Variants in KCNK10 observed in about 807,000 individuals in gnomAD.
KCNK10 encodes the protein potassium channel subfamily K member 10.
Under a neutral mutation model 47.7 loss-of-function variants are expected in KCNK10, and 25 were observed. The ratio of observed to expected loss-of-function variants is 0.52; its 90% CI spans 0.38 to 0.73. KCNK10 has a LOEUF of 0.73. Among genes scored for constraint, KCNK10 ranks in the 30% least tolerant of loss-of-function variants. The pLI is 0.00. For synonymous variants in KCNK10, 303 were observed against 285.6 expected (o/e 1.06, Z -0.61); for missense variants, 563 against 714.5 (o/e 0.79, Z 2.42).
At chr14:88,262,980 T>C (rs747506365) in intron 2 of KCNK10, among the ~76,000 whole-genome samples, 11 of 151,774 alleles carry the variant, frequency 7.2e-5, no homozygotes, top group African/African-American at 2.4e-4. Context: ...TGACCACTCA[T>C]CCAAAACCAG....
At chr14:88,311,475 C>T (rs1261706340) in intron 1 of KCNK10, among the ~76,000 whole-genome samples, 1 of 152,086 alleles carries the variant, frequency 6.6e-6, no homozygotes. Context: ...AACAAGAGAC[C>T]ACGGCTCTCT....
intron 1 of KCNK10, among the ~76,000 whole-genome samples, chr14:88,305,469 G>T (rs1355654429): frequency 6.6e-6 from 1 of 152,094 alleles, no homozygotes; most frequent in Non-Finnish European, 1.5e-5. Flanking sequence ...ATGCTGCATG[G>T]ATCACTCACC....
At chr14:88,280,607 G>A (rs1244968075) in intron 1 of KCNK10, among the ~76,000 whole-genome samples, 1 of 152,098 alleles carries the variant, frequency 6.6e-6, no homozygotes, top group Admixed American at 6.6e-5. Context: ...ACCAAAAAAG[G>A]AAGTCTCACC....
chr14:88,326,753 A>C (rs1012416665), upstream of KCNK10: 3 of 396,868 alleles, frequency 7.6e-6, no homozygotes, highest in African/African-American at 2.1e-5. Flanking sequence ...CCACCACTTT[A>C]ATGAATGCCG....
intron 4 of KCNK10, among the ~76,000 whole-genome samples, chr14:88,207,780 T>C (rs144135301): frequency 3.9e-5 from 6 of 152,202 alleles, no homozygotes; most frequent in Non-Finnish European, 7.4e-5. Context: ...ACACAACTCA[T>C]AGGCTGATGG....
rs899612663 is a variant in KCNK10, at chr14:88,323,226, TCCCGCACACACACA to T, written c.-442_-429del. On this transcript the variant is annotated 5_prime_UTR_variant, in exon 1 of 7. Transcript: ENST00000319231. ...CCCCCGAAGGCGTGTGCGCACACAC[TCCCGCACACACACA>T]CCCGCACACACACTCCCGGGCGCGC... The T allele has an allele frequency of 1.2e-5, 12 of 1,012,548 alleles. No individual in the cohort carries two copies. Among genetic ancestry groups the T allele is most frequent in the East Asian group, 9.6e-5 (1 of 10,430 alleles). 62.7% of individuals were successfully genotyped at this position (1,012,548 alleles called of 1,614,324 possible).
chr14:88,255,283 G>C (rs78754084), intron 2 of KCNK10, among the ~76,000 whole-genome samples: 2,077 of 152,284 alleles, frequency 0.014, 29 homozygotes, highest in East Asian at 0.043. Flanking sequence ...GTGGGCTCTG[G>C]AGTCTGGCTT....
At chr14:88,253,769 T>C (rs1182638546) in intron 2 of KCNK10, among the ~76,000 whole-genome samples, 3 of 151,990 alleles carry the variant, frequency 2.0e-5, no homozygotes, top group African/African-American at 4.8e-5. Flanking sequence ...GGTGGTGAAG[T>C]AGCCTGTAAT....
intron 2 of KCNK10, among the ~76,000 whole-genome samples, chr14:88,259,928 CTGTT>C: frequency 6.6e-6 from 1 of 152,092 alleles, no homozygotes; most frequent in Non-Finnish European, 1.5e-5. Flanking sequence ...CTCATGAAAT[CTGTT>C]TGTTTGGCTT....
In KCNK10 at chr14:88,182,034, CCGCACACACACACACA is replaced by C. The variant is rs1884378811; in HGVS notation, c.*3485_*3500del. The C allele has an allele frequency of 1.0e-5, 1 of 96,008 alleles. No individual in the cohort carries two copies. The highest frequency in any genetic ancestry group is 4.6e-5 in the African/African-American group (1 of 21,670). The allele number at this position is 96,008 out of a possible 1,614,324, so 5.9% of individuals were successfully genotyped here. ...AGAGATGGCCCAACACCACCCCAAC[CCGCACACACACACACA>C]CACACACACACACACACACACACAC... On this transcript the variant is annotated 3_prime_UTR_variant, in exon 7 of 7. Coordinates refer to ENST00000319231, the MANE Select transcript of KCNK10 (RefSeq NM_138317.3).
At chr14:88,212,131 T>TAA (rs1566687352) in intron 4 of KCNK10, among the ~76,000 whole-genome samples, 1 of 86,514 alleles carries the variant, frequency 1.2e-5, no homozygotes. Flanking sequence ...TATATATATA[T>TAA]CGAGAGAGAG....
In KCNK10 at chr14:88,185,991, G is replaced by A. The variant is rs1249941504; in HGVS notation, c.1176C>T (p.His392=). 2.5e-6 allele frequency: 4 copies of A among 1,613,690 alleles called. No individual in the cohort carries two copies. The highest frequency in any genetic ancestry group is 1.7e-5 in the Admixed American group (1 of 60,026). ...RRRLGLDQRA[H]SLDMLSPEKR... is the part of the protein sequence containing the mutation. Reference sequence around the variant, plus strand: ...TCTCGGGGGACAGCATGTCCAGTGAGTGGGCCCGCTGGTCCAGGCCCAGCC... The same window carrying A: ...TCTCGGGGGACAGCATGTCCAGTGAATGGGCCCGCTGGTCCAGGCCCAGCC... Residue 392 remains histidine, a synonymous_variant, in exon 7 of 7, where the codon CAC becomes CAT. Coordinates refer to ENST00000319231, the MANE Select transcript of KCNK10 (RefSeq NM_138317.3). The surrounding 1 kb of genome is among the most constrained non-coding windows in gnomAD (Gnocchi z 4.3).
chr14:88,208,549 G>A (rs550032828), intron 4 of KCNK10, among the ~76,000 whole-genome samples: 41 of 152,326 alleles, frequency 2.7e-4, no homozygotes, highest in Non-Finnish European at 5.9e-4. Context: ...CAGAAAGAAA[G>A]TGGTAATAAC....
intron 3 of KCNK10, among the ~76,000 whole-genome samples, chr14:88,231,138 G>A (rs570400892): frequency 2.6e-5 from 4 of 152,114 alleles, no homozygotes; most frequent in South Asian, 2.1e-4. Flanking sequence ...TAATTAGCCC[G>A]GCATGGTGGT....
chr14:88,282,877 C>T (rs1487714617), intron 1 of KCNK10, among the ~76,000 whole-genome samples: 1 of 152,238 alleles, frequency 6.6e-6, no homozygotes, highest in Non-Finnish European at 1.5e-5. Flanking sequence ...CCTGACAGTG[C>T]TTCCGCATAG....
intron 2 of KCNK10, among the ~76,000 whole-genome samples, chr14:88,245,576 T>C (rs186567507): frequency 6.6e-6 from 1 of 152,322 alleles, no homozygotes; most frequent in East Asian, 1.9e-4. Flanking sequence ...TGCACTGGGA[T>C]GAATGATGAC....
chr14:88,296,257 G>C (rs1241263540), intron 1 of KCNK10, among the ~76,000 whole-genome samples: 1 of 152,190 alleles, frequency 6.6e-6, no homozygotes, highest in African/African-American at 2.4e-5. Flanking sequence ...ATGGAGCAAA[G>C]CCTGAATCCT....
intron 4 of KCNK10, among the ~76,000 whole-genome samples, chr14:88,210,752 A>G (rs982088375): frequency 6.6e-6 from 1 of 151,266 alleles, no homozygotes; most frequent in Non-Finnish European, 1.5e-5. Flanking sequence ...AACAGCAGCT[A>G]TGGGAGCAGC....
At position 88,188,120 on chromosome 14, in the gene KCNK10, C is replaced by T. The variant is rs748576918; in HGVS notation, c.869-11G>A. ...TGCCAGCGTTTCCCCCTGAAAACAA[C>T]CAAATGTTACTTTAACCATGATCTA... On this transcript the variant is annotated splice_polypyrimidine_tract_variant and intron_variant, in intron 5 of 6. Coordinates refer to ENST00000319231, the MANE Select transcript of KCNK10 (RefSeq NM_138317.3). 2.5e-6 allele frequency: 4 copies of T among 1,614,036 alleles called. No homozygotes were observed. In the South Asian group the frequency reaches 3.3e-5, roughly 13 times the overall value.
Sources: gnomAD v4.1 joint callset for allele counts (sites outside exome capture counted in the v4.1 genomes callset) on GRCh38, gnomAD v4.1.1 for gene constraint, Gnocchi (gnomAD v3.1) non-coding constraint, MANE v1.5 for transcripts, NCBI Gene and HGNC (gene_info 2026-07-23, HGNC 2026-07-21) for gene names.